The following TXNRD1 variants were observed in gnomAD, a reference collection of about 807,000 sequenced individuals.
The protein encoded by TXNRD1 is thioredoxin reductase 1, also known as thioredoxin reductase 1, cytoplasmic.
A neutral mutation model predicts 80.3 loss-of-function variants in TXNRD1; 57 were observed. That is an observed-to-expected ratio of 0.71 (90% CI 0.57 to 0.89). The LOEUF (loss-of-function observed/expected upper bound fraction) is 0.89. Ranked by LOEUF, TXNRD1 falls within the 40% of genes least tolerant of loss-of-function variation. TXNRD1 has a pLI of 0.00. For synonymous variants in TXNRD1, 291 were observed against 285.2 expected, an observed-to-expected ratio of 1.02 and a Z score of -0.20; for missense variants, 730 against 803.0, an observed-to-expected ratio of 0.91 and a Z score of 1.10.
At chr12:104,277,762 C>A (rs2033785800) in intron 3 of TXNRD1, among the ~76,000 whole-genome samples, 1 of 151,922 alleles carries the variant, frequency 6.6e-6, no homozygotes, top group Non-Finnish European at 1.5e-5. Context: ...CGGTTTTTAG[C>A]CTGTTCCTCA....
At chr12:104,328,051 C>T (rs1203609469) in intron 13 of TXNRD1, among the ~76,000 whole-genome samples, 3 of 151,376 alleles carry the variant, frequency 2.0e-5, no homozygotes, top group Admixed American at 1.3e-4. Flanking sequence ...CCCAGCTACT[C>T]AGGAGGCTGA....
rs1565870183 is a variant in TXNRD1, at chr12:104,267,682, TTTC to T, written c.304+9606_304+9608del. ...CTTTCTTTCTTTCTTTCTTTCTTTC[TTTC>T]TTTCTTTCTTTCTTTCTCTCTTTCT... On this transcript the variant is annotated intron_variant, in intron 3 of 16. Coordinates refer to ENST00000525566, the MANE Select transcript of TXNRD1 (RefSeq NM_001093771.3). Among the ~76,000 whole-genome samples, 29 of 99,758 alleles carry T rather than the reference TTTC, an allele frequency of 2.9e-4. No homozygotes were observed. The East Asian group carries it at 0.01, about 35-fold the overall frequency. The allele number at this position is 99,758 out of a possible 152,430, so 65.4% of individuals were successfully genotyped here.
intron 2 of TXNRD1, among the ~76,000 whole-genome samples, chr12:104,253,687 T>A (rs1366151828): frequency 2.0e-5 from 3 of 151,994 alleles, no homozygotes; most frequent in Non-Finnish European, 4.4e-5. Context: ...AGTTGCTTAT[T>A]GAGGGTTTTT....
At chr12:104,287,649 T>A (rs2034020732) in intron 3 of TXNRD1, among the ~76,000 whole-genome samples, 1 of 152,052 alleles carries the variant, frequency 6.6e-6, no homozygotes, top group African/African-American at 2.4e-5. Context: ...CTCAGAAAGA[T>A]CAAGTGGCGT....
chr12:104,244,576 G>A (rs1306951424), intron 1 of TXNRD1, among the ~76,000 whole-genome samples: 1 of 152,064 alleles, frequency 6.6e-6, no homozygotes. Flanking sequence ...TCACAGAATT[G>A]TAAAACTATG....
intron 1 of TXNRD1, among the ~76,000 whole-genome samples, chr12:104,229,571 T>TTATTTTATTTTATTTTATTG (rs1305227953): frequency 0.026 from 3,788 of 148,026 alleles, 153 homozygotes; most frequent in African/African-American, 0.091. Flanking sequence ...ACATTTTATT[T>TTATTTTATTTTATTTTATTG]TATTTTATTT....
At chr12:104,292,554 T>C (rs1202185464) in intron 4 of TXNRD1, among the ~76,000 whole-genome samples, 1 of 152,090 alleles carries the variant, frequency 6.6e-6, no homozygotes, top group African/African-American at 2.4e-5. Flanking sequence ...CCACCATGCC[T>C]GGCTAATTTT....
intron 7 of TXNRD1, among the ~76,000 whole-genome samples, chr12:104,316,439 G>T (rs1488270353): frequency 6.6e-6 from 1 of 152,096 alleles, no homozygotes; most frequent in Non-Finnish European, 1.5e-5. Context: ...GCCCAGGCTG[G>T]AGTGCAGTGG....
At chr12:104,226,138 T>TG (rs1237008138) in intron 1 of TXNRD1, among the ~76,000 whole-genome samples, 8 of 151,790 alleles carry the variant, frequency 5.3e-5, no homozygotes, top group African/African-American at 1.9e-4. Context: ...AGGTGGAAGT[T>TG]GCAGTGAACC....
At chr12:104,329,565 C>T (rs770162366) in intron 13 of TXNRD1, among the ~76,000 whole-genome samples, 5 of 151,992 alleles carry the variant, frequency 3.3e-5, no homozygotes, top group Non-Finnish European at 5.9e-5. Context: ...GGAAGAATCA[C>T]CCGAACTTGG....
rs35700427 is a variant in TXNRD1, at chr12:104,338,212, C to T, written c.1747-927C>T. The stretch of plus-strand genomic sequence containing the variant: ...CACCCTGCCCTTTGATAATATTTTC[C>T]AGAACATTTTGGTGATTAAAGACTT... On this transcript the variant is annotated intron_variant, in intron 15 of 16. Transcript: ENST00000525566. Among the ~76,000 whole-genome samples, 974 of 151,948 alleles carry T rather than the reference C, an allele frequency of 6.4e-3. 14 individuals carry two copies. The highest frequency in any genetic ancestry group is 0.022 in the African/African-American group (923 of 41,496).
chr12:104,232,540 G>A (rs1029682114), intron 1 of TXNRD1, among the ~76,000 whole-genome samples: 10 of 151,890 alleles, frequency 6.6e-5, no homozygotes, highest in African/African-American at 2.4e-4. Flanking sequence ...CAGCGTAGGT[G>A]ACAGAGCGAG....
At chr12:104,302,486 C>CCTTT (rs1555213398) in intron 4 of TXNRD1, among the ~76,000 whole-genome samples, 1 of 76,226 alleles carries the variant, frequency 1.3e-5, no homozygotes, top group African/African-American at 5.8e-5. Context: ...TATTCATTCC[C>CCTTT]TTTTTTTTTT....
intron 1 of TXNRD1, among the ~76,000 whole-genome samples, chr12:104,250,783 G>A (rs2033101434): frequency 6.6e-6 from 1 of 152,174 alleles, no homozygotes; most frequent in African/African-American, 2.4e-5. Flanking sequence ...CAAGTAGTAA[G>A]GGTGGGCTTG....
chr12:104,326,325 T>A, intron 11 of TXNRD1, 22 bp from the exon 12 acceptor site: 2 of 1,521,214 alleles, frequency 1.3e-6, no homozygotes, highest in Non-Finnish European at 1.8e-6. Flanking sequence ...TATTAGTCAC[T>A]AATATATTAA....
chr12:104,335,825 T>G (rs1003774062), intron 15 of TXNRD1, among the ~76,000 whole-genome samples: 7 of 152,204 alleles, frequency 4.6e-5, no homozygotes, highest in Non-Finnish European at 8.8e-5. Flanking sequence ...AAGCCATGTA[T>G]CCTATTTGGA....
chr12:104,275,534 C>T (rs2033739828), intron 3 of TXNRD1, among the ~76,000 whole-genome samples: 1 of 151,882 alleles, frequency 6.6e-6, no homozygotes, highest in Non-Finnish European at 1.5e-5. Flanking sequence ...CAGGCATGCA[C>T]CACCATGCCT....
At position 104,324,541 on chromosome 12, in the gene TXNRD1, G is replaced by A. The variant is rs34536597; in HGVS notation, c.1216-796G>A. 6.6e-5 allele frequency among the ~76,000 whole-genome samples: 10 copies of A among 151,902 alleles called. No homozygotes were observed. The East Asian group carries it at 1.7e-3, about 26-fold the overall frequency. On this transcript the variant is annotated intron_variant, in intron 10 of 16. Coordinates refer to ENST00000525566, the MANE Select transcript of TXNRD1 (RefSeq NM_001093771.3). ...TAATTTTTGTATTTTTAGTAGAGAC[G>A]GGGTTTCACTATGTTGGTCAGGCTG...
At chr12:104,318,730 T>G (rs1239383906) in intron 7 of TXNRD1, among the ~76,000 whole-genome samples, 183 bp from the exon 8 acceptor site, 3 of 152,246 alleles carry the variant, frequency 2.0e-5, no homozygotes, top group Non-Finnish European at 4.4e-5. Flanking sequence ...TTTAATTGTA[T>G]TAGTCTTATA....
Sources: gnomAD v4.1 joint callset for allele counts (sites outside exome capture counted in the v4.1 genomes callset) on GRCh38, gnomAD v4.1.1 for gene constraint, MANE v1.5 for transcripts, NCBI Gene and HGNC (gene_info 2026-07-23, HGNC 2026-07-21) for gene names.